Variants in MPP2 observed in about 807,000 individuals in gnomAD.
MPP2 encodes MAGUK p55 scaffold protein 2, also known as MAGUK p55 subfamily member 2.
Under a neutral mutation model 58.5 loss-of-function variants are expected in MPP2, and 42 were observed. That is an observed-to-expected ratio of 0.72 (90% confidence interval 0.56 to 0.93). The LOEUF (loss-of-function observed/expected upper bound fraction) is 0.93. Ranked by LOEUF, MPP2 falls within the 40% of genes least tolerant of loss-of-function variation. MPP2 has a pLI of 0.00. For synonymous variants in MPP2, 300 were observed against 307.8 expected (o/e 0.97, Z 0.26); for missense variants, 632 against 760.4 (o/e 0.83, Z 1.99).
intron 3 of MPP2, among the ~76,000 whole-genome samples, chr17:43,894,434 TATATATATATACACACAC>T (rs1388537585): frequency 1.1e-3 from 17 of 16,164 alleles, no homozygotes; most frequent in South Asian, 2.4e-3. Context: ...TATATATATA[TATATATATATACACACAC>T]ACACACACAC....
At chr17:43,907,447 C>G (rs1196612648) in intron 1 of MPP2, 27 bp downstream of exon 1, 2 of 985,616 alleles carry the variant, frequency 2.0e-6, no homozygotes, top group East Asian at 2.3e-4. Flanking sequence ...GGGATAGGAG[C>G]TGGCCCGGGG....
chr17:43,879,238 G>T lies in MPP2; in HGVS notation c.1482+37C>A, dbSNP rs1597748883. The T allele has an allele frequency of 3.8e-6, 6 of 1,588,764 alleles. No individual in the cohort carries two copies. The African/African-American group carries it at 5.4e-5, about 14-fold the overall frequency. ...GGCCTGTCCCCCACCACCCTAGGCA[G>T]CTATCAGACCCCTCCCCCACACCTC... On this transcript the variant is annotated intron_variant, in intron 12 of 12. Coordinates refer to ENST00000269095, the MANE Select transcript of MPP2 (RefSeq NM_005374.5). This position sits in a 1 kb window ranked among gnomAD's most constrained non-coding sequence, Gnocchi z 4.1.
rs374030219 is a variant in MPP2 at position 43,890,986 on chromosome 17, G to A, written c.150+7276C>T. Among the ~76,000 whole-genome samples the A allele has an allele frequency of 4.0e-4, 61 of 152,242 alleles. No homozygotes were observed. In the East Asian group the frequency reaches 9.6e-3, roughly 24 times the overall value. ...TTAAATCACAGTTGTTTTAAGCCAC[G>A]ACACAGCACGATGGTTTGTTACACA... is the stretch of plus-strand genomic sequence containing the variant. On this transcript the variant is annotated intron_variant, in intron 3 of 12. Coordinates refer to ENST00000269095, the MANE Select transcript of MPP2 (RefSeq NM_005374.5).
chr17:43,882,119 C>CAGAG (rs2047156098), intron 6 of MPP2, among the ~76,000 whole-genome samples, 165 bp downstream of exon 6: 1 of 152,228 alleles, frequency 6.6e-6, no homozygotes. Context: ...GCAGCAGCGG[C>CAGAG]AGAGGCCTGT....
At position 43,876,626 on chromosome 17, in the gene MPP2, C is replaced by G. The variant is rs1387912642; in HGVS notation, c.*1181G>C. 2 of 148,678 alleles carry G rather than the reference C, an allele frequency of 1.3e-5. No individual in the cohort carries two copies. Among genetic ancestry groups the G allele is most frequent in the Non-Finnish European group, 3.0e-5 (2 of 67,644 alleles). 9.2% of individuals were successfully genotyped at this position (148,678 alleles called of 1,614,324 possible). A position where few individuals can be genotyped will look rare whatever the true frequency, so the allele number is the denominator to read the frequency against. On this transcript the variant is annotated 3_prime_UTR_variant, in exon 13 of 13. Coordinates refer to ENST00000269095, the MANE Select transcript of MPP2 (RefSeq NM_005374.5). ...AAAACAAAACCCTTTGCTTCCTCCC[C>G]AAATTAAACCTGACACACACACACA...
intron 2 of MPP2, among the ~76,000 whole-genome samples, chr17:43,899,490 C>T (rs2047996856): frequency 6.6e-6 from 1 of 152,248 alleles, no homozygotes; most frequent in Non-Finnish European, 1.5e-5. Context: ...CTGTCCCTCA[C>T]TGGCCTCAGT....
chr17:43,899,734 G>A (rs970465402), intron 2 of MPP2, among the ~76,000 whole-genome samples: 4 of 152,048 alleles, frequency 2.6e-5, no homozygotes. Flanking sequence ...GCCCGAAATG[G>A]GACATAATGG....
intron 3 of MPP2, among the ~76,000 whole-genome samples, chr17:43,894,536 C>A (rs2047756864): frequency 7.9e-6 from 1 of 127,064 alleles, no homozygotes; most frequent in African/African-American, 2.8e-5. Flanking sequence ...AGAATCGCTT[C>A]AACTTGGGAG....
intron 3 of MPP2, among the ~76,000 whole-genome samples, chr17:43,897,499 A>T (rs755064072): frequency 7.7e-6 from 1 of 130,136 alleles, no homozygotes; most frequent in Admixed American, 8.7e-5. Context: ...AACAAAACAA[A>T]AAAAACCATA....
In MPP2 at chr17:43,879,956, C is replaced by T. The variant is rs761886153; in HGVS notation, c.1179G>A (p.Glu393=). Reference sequence around the variant, plus strand: ...CAAAGCTGTAACCCTGACCTTCCCGCTCTGAGTCTTTCGGCCGCCGGGAGG... The same window carrying T: ...CAAAGCTGTAACCCTGACCTTCCCGTTCTGAGTCTTTCGGCCGCCGGGAGG... ...PYTSRRPKDS[E]REGQGYSFVS... The change falls in exon 11 of 13, where the codon GAG becomes GAA. Residue 393 remains glutamate (E), a synonymous_variant. Coordinates refer to ENST00000269095, the MANE Select transcript of MPP2 (RefSeq NM_005374.5). The surrounding 1 kb of genome is among the most constrained non-coding windows in gnomAD (Gnocchi z 4.1). The T allele has an allele frequency of 1.9e-6, 3 of 1,614,070 alleles. No homozygotes were observed. The highest frequency in any genetic ancestry group is 2.7e-5 in the African/African-American group (2 of 75,012).
rs1183306884 is a variant in MPP2 at position 43,879,857 on chromosome 17, C to G, written c.1278G>C (p.Leu426=). The change falls in exon 11 of 13, where the codon CTG becomes CTC. Residue 426 remains leucine (L), a synonymous_variant. Transcript: ENST00000269095. The surrounding 1 kb of genome is among the most constrained non-coding windows in gnomAD (Gnocchi z 4.1). ...YLEHGEYEGN[L]YGTRIDSIRG... is the part of the protein sequence containing the mutation. ...GGATGGAGTCAATACGTGTGCCATA[C>G]AGGTTGCCCTCGTATTCGCCATGCT... 8 of 1,613,920 alleles carry G rather than the reference C, an allele frequency of 5.0e-6. No homozygotes were observed. Among genetic ancestry groups the G allele is most frequent in the Non-Finnish European group, 6.8e-6 (8 of 1,179,978 alleles).
chr17:43,882,184 G>A, intron 6 of MPP2, 100 bp downstream of exon 6: 1 of 1,178,372 alleles, frequency 8.5e-7, no homozygotes, highest in South Asian at 1.4e-5. Flanking sequence ...ATCTTCCCTG[G>A]AGGAAACCAG....
intron 3 of MPP2, among the ~76,000 whole-genome samples, chr17:43,892,479 T>G (rs1352834091): frequency 3.3e-5 from 5 of 152,102 alleles, no homozygotes; most frequent in African/African-American, 1.2e-4. Flanking sequence ...CTGTCTTTGA[T>G]GAGAGGAGTG....
chr17:43,886,336 G>GTGCAGTGGCGCGATCTCAGCTCAC lies in MPP2; in HGVS notation c.151-3005_151-2982dup, dbSNP rs1399611614. 4.0e-5 allele frequency among the ~76,000 whole-genome samples: 6 copies of GTGCAGTGGCGCGATCTCAGCTCAC among 151,668 alleles called. No individual in the cohort carries two copies. In the East Asian group the frequency reaches 1.2e-3, roughly 30 times the overall value. On this transcript the variant is annotated intron_variant, in intron 3 of 12. Transcript: ENST00000269095. ...GTCTTGCTCTGTCACCCAGGATGGA[G>GTGCAGTGGCGCGATCTCAGCTCAC]TGCAGTGGCGCGATCTCAGCTCACT...
Position 43,879,855 on chromosome 17 carries a change from T to A in MPP2, c.1280A>T (p.Tyr427Phe), listed in dbSNP as rs1479856612. The change falls in exon 11 of 13, where the codon TAT becomes TTT. Residue 427 changes from tyrosine (Y) to phenylalanine (F), a missense_variant. Tyr to Phe is a conservative substitution (Grantham distance 22). Transcript: ENST00000269095. This position sits in a 1 kb window ranked among gnomAD's most constrained non-coding sequence, Gnocchi z 4.1. ...LEHGEYEGNL[Y>F]GTRIDSIRGV... ...CCGGATGGAGTCAATACGTGTGCCA[T>A]ACAGGTTGCCCTCGTATTCGCCATG... 5.0e-6 allele frequency: 8 copies of A among 1,613,860 alleles called. No individual in the cohort carries two copies. Among genetic ancestry groups the A allele is most frequent in the Non-Finnish European group, 6.8e-6 (8 of 1,179,976 alleles).
intron 2 of MPP2, among the ~76,000 whole-genome samples, chr17:43,899,971 G>T (rs1184871323): frequency 6.6e-6 from 1 of 152,188 alleles, no homozygotes; most frequent in African/African-American, 2.4e-5. Context: ...CCCAAGCCAC[G>T]GAGGACGGCG....
chr17:43,907,831 T>G (rs3809746), upstream of MPP2: 2 of 985,308 alleles, frequency 2.0e-6, no homozygotes, highest in Admixed American at 6.1e-5. Flanking sequence ...TAAAAGTGCC[T>G]AATGAGACCG....
Position 43,879,067 on chromosome 17 carries a change from G to C in MPP2, c.1482+208C>G, listed in dbSNP as rs1015835920. Among the ~76,000 whole-genome samples the C allele has an allele frequency of 6.6e-6, 1 of 152,172 alleles. No homozygotes were observed. Among genetic ancestry groups the C allele is most frequent in the Non-Finnish European group, 1.5e-5 (1 of 68,024 alleles). The stretch of plus-strand genomic sequence containing the variant: ...AGCACATGTATCCCAGGCTAGGTGT[G>C]TGCCTGGCTCACTCTGAGACTTTGG... On this transcript the variant is annotated intron_variant, in intron 12 of 12. Coordinates refer to ENST00000269095, the MANE Select transcript of MPP2 (RefSeq NM_005374.5). The surrounding 1 kb of genome is among the most constrained non-coding windows in gnomAD (Gnocchi z 4.1).
chr17:43,885,347 C>G (rs1263100069), intron 3 of MPP2, among the ~76,000 whole-genome samples: 2 of 152,164 alleles, frequency 1.3e-5, no homozygotes, highest in Non-Finnish European at 2.9e-5. Context: ...CCTTGAGCAT[C>G]TTCTTCCCTT....
Sources: gnomAD v4.1 joint callset for allele counts (sites outside exome capture counted in the v4.1 genomes callset) on GRCh38, gnomAD v4.1.1 for gene constraint, Gnocchi (gnomAD v3.1) non-coding constraint, MANE v1.5 for transcripts, NCBI Gene and HGNC (gene_info 2026-07-23, HGNC 2026-07-21) for gene names.